The following RNF32 variants were observed in gnomAD, a reference collection of about 807,000 sequenced individuals.
RNF32 encodes the protein ring finger protein 32.
Under a neutral mutation model 41.0 loss-of-function variants are expected in RNF32, and 36 were observed. The ratio of observed to expected loss-of-function variants is 0.88; its 90% CI spans 0.67 to 1.16. The LOEUF (loss-of-function observed/expected upper bound fraction) is 1.16. Among genes scored for constraint, RNF32 ranks in the 50% most tolerant of loss-of-function variants. RNF32 has a pLI of 0.00. For missense variants in RNF32, 413 were observed against 436.7 expected (o/e 0.95, Z 0.48); for synonymous variants, 154 against 160.9 (o/e 0.96, Z 0.32).
At chr7:156,653,877 C>G (rs768088669) in intron 3 of RNF32, among the ~76,000 whole-genome samples, 2 of 152,150 alleles carry the variant, frequency 1.3e-5, no homozygotes, top group Non-Finnish European at 2.9e-5. Context: ...GCAAGGTGAG[C>G]TGGGAGAGGC....
chr7:156,668,699 T>C (rs1801783613), intron 7 of RNF32, among the ~76,000 whole-genome samples: 1 of 152,158 alleles, frequency 6.6e-6, no homozygotes, highest in Non-Finnish European at 1.5e-5. Context: ...CAGCGGGGCT[T>C]TTCTTGCTAC....
At chr7:156,656,949 A>C (rs563323304) in intron 4 of RNF32, among the ~76,000 whole-genome samples, 39 of 152,346 alleles carry the variant, frequency 2.6e-4, no homozygotes, top group African/African-American at 8.9e-4. Context: ...TCTAAGCTTC[A>C]GTCTTTTGTC....
intron 3 of RNF32, among the ~76,000 whole-genome samples, chr7:156,649,907 C>CCA (rs1238308607): frequency 1.3e-5 from 2 of 152,232 alleles, no homozygotes; most frequent in Non-Finnish European, 2.9e-5. Flanking sequence ...ATATAAGCTT[C>CCA]ACCAAATAAG....
At chr7:156,640,564 G>C (rs1034421095), upstream of RNF32, 11 of 398,494 alleles carry the variant, frequency 2.8e-5, no homozygotes, top group Middle Eastern at 3.3e-3. Context: ...GCCGTGCGCG[G>C]GGCGGGGGCC....
intron 7 of RNF32, among the ~76,000 whole-genome samples, chr7:156,674,702 A>C (rs1261395979): frequency 2.6e-5 from 4 of 152,230 alleles, no homozygotes; most frequent in Non-Finnish European, 5.9e-5. Flanking sequence ...TACCAAAAAA[A>C]ACAAAGTACT....
chr7:156,675,031 C>T (rs889142692), intron 7 of RNF32, among the ~76,000 whole-genome samples: 11 of 152,114 alleles, frequency 7.2e-5, no homozygotes, highest in African/African-American at 2.2e-4. Context: ...TTAAGCTTAA[C>T]GAGAAAATTA....
At chr7:156,652,243 T>C (rs1364350305) in intron 3 of RNF32, among the ~76,000 whole-genome samples, 1 of 152,206 alleles carries the variant, frequency 6.6e-6, no homozygotes, top group Non-Finnish European at 1.5e-5. Flanking sequence ...TGATTCCTGA[T>C]CCTTTTTTGA....
intron 7 of RNF32, among the ~76,000 whole-genome samples, chr7:156,660,749 G>C (rs1289048566): frequency 1.3e-5 from 2 of 152,344 alleles, no homozygotes; most frequent in East Asian, 3.9e-4. Flanking sequence ...AGTTGACTCT[G>C]ACTGATACGA....
chr7:156,675,677 G>GCCCCCC lies in RNF32; in HGVS notation c.685-14_685-13insCCCCCC. ...ACCGAGCTCAGGTGTGAGCTTACCCGCCCCCGCCTCCTCCTCAGTTCACAG... is the reference window on the plus strand; with the variant it reads ...ACCGAGCTCAGGTGTGAGCTTACCCGCCCCCCCCCCCGCCTCCTCCTCAGTTCACAG... On this transcript the variant is annotated intron_variant, in intron 7 of 8. Transcript: ENST00000317955. 2 of 1,391,998 alleles carry GCCCCCC rather than the reference G, an allele frequency of 1.4e-6. No individual in the cohort carries two copies. Among genetic ancestry groups the GCCCCCC allele is most frequent in the Non-Finnish European group, 2.0e-6 (2 of 983,260 alleles). 86.2% of individuals were successfully genotyped at this position (1,391,998 alleles called of 1,614,324 possible). A position where few individuals can be genotyped will look rare whatever the true frequency, so the allele number is the denominator to read the frequency against.
At chr7:156,654,843 C>A in intron 4 of RNF32, 125 bp downstream of exon 4, 1 of 824,716 alleles carries the variant, frequency 1.2e-6, no homozygotes. Flanking sequence ...GAGCCTCACA[C>A]ACTTCCATTT....
At chr7:156,672,355 C>T (rs1041725704) in intron 7 of RNF32, among the ~76,000 whole-genome samples, 11 of 152,138 alleles carry the variant, frequency 7.2e-5, no homozygotes, top group African/African-American at 2.7e-4. Flanking sequence ...AAGAACAGTC[C>T]TGGCCCCAGG....
chr7:156,660,147 T>C (rs1392055740), intron 7 of RNF32: 9 of 985,606 alleles, frequency 9.1e-6, no homozygotes, highest in African/African-American at 3.5e-5. Flanking sequence ...TCCCCGTGTC[T>C]GCTTTTCTGA....
Position 156,658,499 on chromosome 7 carries a change from T to TGGTACAGAAACCTGA in RNF32, c.616_630dup (p.Tyr206_Arg210dup), listed in dbSNP as rs777406044. The TGGTACAGAAACCTGA allele has an allele frequency of 6.0e-5, 97 of 1,613,658 alleles. No homozygotes were observed. Among genetic ancestry groups the TGGTACAGAAACCTGA allele is most frequent in the Non-Finnish European group, 7.9e-5 (93 of 1,179,756 alleles). On this transcript the variant is annotated inframe_insertion, in exon 7 of 9. Coordinates refer to ENST00000317955, the MANE Select transcript of RNF32 (RefSeq NM_030936.4). Reference sequence around the variant, plus strand: ...CTGGAGAGGATGTGTTGTTAGAAAGTGGTACAGAAACCTGAGGAAAACAGT... The same window carrying TGGTACAGAAACCTGA: ...CTGGAGAGGATGTGTTGTTAGAAAGTGGTACAGAAACCTGAGGTACAGAAACCTGAGGAAAACAGT...
intron 3 of RNF32, among the ~76,000 whole-genome samples, chr7:156,650,401 G>C (rs750268458): frequency 3.3e-5 from 5 of 152,234 alleles, no homozygotes; most frequent in Admixed American, 3.3e-4. Context: ...GACATGCTTA[G>C]ATCCATCAAG....
Position 156,644,663 on chromosome 7 carries a change from A to G in RNF32, c.180A>G (p.Ile60Met), listed in dbSNP as rs764124524. ...TAAAAAGAGATACAAAGGCAATAAT[A>G]GATACTGGACTTAAAAAAACTACAC... ...KSLKRDTKAI[I>M]DTGLKKTTQC... Residue 60 changes from isoleucine to methionine, a missense_variant, in exon 3 of 9, where the codon ATA becomes ATG. Ile to Met is a conservative substitution (Grantham distance 10). Transcript: ENST00000317955. 6.2e-7 allele frequency: 1 copy of G among 1,612,998 alleles called. No homozygotes were observed. Among genetic ancestry groups the G allele is most frequent in the South Asian group, 1.1e-5 (1 of 91,038 alleles).
intron 7 of RNF32, among the ~76,000 whole-genome samples, chr7:156,664,124 G>A (rs530955797): frequency 6.6e-6 from 1 of 152,338 alleles, no homozygotes; most frequent in Non-Finnish European, 1.5e-5. Context: ...GGCACATTGC[G>A]TGATTGCCAC....
intron 7 of RNF32, among the ~76,000 whole-genome samples, chr7:156,674,282 G>A (rs1234725913): frequency 6.6e-6 from 1 of 152,202 alleles, no homozygotes; most frequent in Admixed American, 6.5e-5. Flanking sequence ...AGAACACCCA[G>A]AAGAGACATG....
intron 7 of RNF32, chr7:156,660,493 T>C (rs1236013186): frequency 6.0e-6 from 1 of 167,796 alleles, no homozygotes; most frequent in African/African-American, 2.4e-5. Context: ...GGGGTGGTAG[T>C]TGAGAACAAA....
intron 7 of RNF32, among the ~76,000 whole-genome samples, chr7:156,673,323 A>G (rs1212541889): frequency 6.6e-6 from 1 of 152,236 alleles, no homozygotes; most frequent in African/African-American, 2.4e-5. Context: ...CAAAGCATCA[A>G]TTGGAGGTAA....
Sources: gnomAD v4.1 joint callset for allele counts (sites outside exome capture counted in the v4.1 genomes callset) on GRCh38, gnomAD v4.1.1 for gene constraint, MANE v1.5 for transcripts, NCBI Gene and HGNC (gene_info 2026-07-23, HGNC 2026-07-21) for gene names.